SCN11A: variants seen among roughly 807,000 people sequenced by gnomAD.
SCN11A encodes the protein sodium channel protein type 11 subunit alpha.
Under a neutral mutation model 162.2 loss-of-function variants are expected in SCN11A, and 122 were observed. The ratio of observed to expected loss-of-function variants is 0.75; its 90% confidence interval spans 0.65 to 0.87. SCN11A has a LOEUF of 0.87. Among genes scored for constraint, SCN11A ranks in the 40% least tolerant of loss-of-function variants. The pLI is 0.00. For missense variants in SCN11A, 2,015 were observed against 2,181.6 expected (o/e 0.92, Z 1.52); for synonymous variants, 758 against 751.5 (o/e 1.01, Z -0.14).
intron 23 of SCN11A, among the ~76,000 whole-genome samples, chr3:38,879,656 G>C (rs904899322): frequency 1.3e-5 from 2 of 152,142 alleles, no homozygotes; most frequent in Non-Finnish European, 2.9e-5. Context: ...AGTTATTCTA[G>C]GTACATATTA....
In SCN11A at chr3:38,903,854, T is replaced by G; in HGVS notation, c.1842+11A>C. 6.5e-7 allele frequency: 1 copy of G among 1,537,206 alleles called. No individual in the cohort carries two copies. Among genetic ancestry groups the G allele is most frequent in the East Asian group, 2.3e-5 (1 of 44,242 alleles). ...AAATATGTTTTTTATTTTTAAAAAGTGTAATGTTACCAAATTCCCTATATT... is the reference window on the plus strand; with the variant it reads ...AAATATGTTTTTTATTTTTAAAAAGGGTAATGTTACCAAATTCCCTATATT... On this transcript the variant is annotated intron_variant, in intron 16 of 29. Transcript: ENST00000302328.
intron 2 of SCN11A, among the ~76,000 whole-genome samples, chr3:38,972,274 T>C (rs1182363266): frequency 6.6e-6 from 1 of 152,106 alleles, no homozygotes; most frequent in Non-Finnish European, 1.5e-5. Flanking sequence ...CAGGACCTCA[T>C]AGCCATGATC....
At chr3:38,940,514 G>A (rs530585715) in intron 7 of SCN11A, among the ~76,000 whole-genome samples, 1 of 152,300 alleles carries the variant, frequency 6.6e-6, no homozygotes, top group Admixed American at 6.5e-5. Context: ...AGAAAGTCCA[G>A]AAATAGATCT....
chr3:38,888,130 G>A (rs1039760798), intron 19 of SCN11A, among the ~76,000 whole-genome samples: 3 of 152,190 alleles, frequency 2.0e-5, no homozygotes, highest in Non-Finnish European at 4.4e-5. Context: ...TTGCACTTAA[G>A]AGAGAAAGCC....
chr3:38,945,910 C>T (rs1030391245), intron 6 of SCN11A, among the ~76,000 whole-genome samples: 1 of 152,196 alleles, frequency 6.6e-6, no homozygotes, highest in African/African-American at 2.4e-5. Context: ...AAGCACTCCT[C>T]TGTTAAATCA....
chr3:39,025,211 G>A (rs1167422064), intron 2 of SCN11A, among the ~76,000 whole-genome samples: 1 of 152,090 alleles, frequency 6.6e-6, no homozygotes. Flanking sequence ...CAGGAGGTCA[G>A]AGAGACCTTG....
At chr3:38,981,561 G>T (rs924176334) in intron 2 of SCN11A, among the ~76,000 whole-genome samples, 3 of 150,240 alleles carry the variant, frequency 2.0e-5, no homozygotes, top group Non-Finnish European at 4.4e-5. Context: ...GTGTGTGTGT[G>T]TGTGTGTATT....
rs751194773 is a variant in SCN11A at position 38,847,745 on chromosome 3, CAGG to C, written c.4328-6_4328-4del. On this transcript the variant is annotated splice_polypyrimidine_tract_variant and splice_region_variant and intron_variant, in intron 29 of 29. Coordinates refer to ENST00000302328, the MANE Select transcript of SCN11A (RefSeq NM_001349253.2). ...TTCCAAGGTAGAAATCATTGTACCT[CAGG>C]AGAAGGAGAAAAGTAAATAAGTTTC... is the stretch of plus-strand genomic sequence containing the variant. 6.4e-7 allele frequency: 1 copy of C among 1,555,534 alleles called. No homozygotes were observed. The highest frequency in any genetic ancestry group is 1.1e-5 in the South Asian group (1 of 87,170).
intron 2 of SCN11A, among the ~76,000 whole-genome samples, chr3:39,027,111 G>C (rs1559578779): frequency 6.7e-6 from 1 of 149,268 alleles, no homozygotes; most frequent in East Asian, 2.0e-4. Flanking sequence ...CACTCTACTA[G>C]AAAAAAAAAA....
intron 23 of SCN11A, among the ~76,000 whole-genome samples, chr3:38,879,438 C>T (rs1401169155): frequency 6.6e-6 from 1 of 152,128 alleles, no homozygotes; most frequent in East Asian, 1.9e-4. Flanking sequence ...TTCAGGTTTC[C>T]TTGTATACAG....
chr3:38,932,487 C>T (rs867733199), intron 7 of SCN11A, among the ~76,000 whole-genome samples: 9 of 152,274 alleles, frequency 5.9e-5, no homozygotes, highest in South Asian at 2.1e-4. Flanking sequence ...GGGTGAGAGA[C>T]GGCACCTGGA....
At chr3:38,859,678 A>G (rs188947674) in intron 28 of SCN11A, among the ~76,000 whole-genome samples, 2 of 152,272 alleles carry the variant, frequency 1.3e-5, no homozygotes, top group Admixed American at 1.3e-4. Flanking sequence ...AATCACACCT[A>G]ATGGACTCCA....
chr3:38,870,855 C>A (rs574802820), intron 25 of SCN11A, 111 bp from the exon 26 acceptor site: 3 of 811,244 alleles, frequency 3.7e-6, no homozygotes, highest in Non-Finnish European at 6.3e-6. Flanking sequence ...TAAGATGATA[C>A]CCCAACCTTC....
intron 2 of SCN11A, among the ~76,000 whole-genome samples, chr3:39,030,748 T>TGG (rs2031728209): frequency 1.3e-5 from 2 of 152,138 alleles, no homozygotes; most frequent in Non-Finnish European, 2.9e-5. Flanking sequence ...ACAAAGCACA[T>TGG]TTGTGACATG....
intron 27 of SCN11A, among the ~76,000 whole-genome samples, chr3:38,866,032 C>A (rs2065034591): frequency 6.6e-6 from 1 of 151,974 alleles, no homozygotes; most frequent in African/African-American, 2.4e-5. Flanking sequence ...TATTGTAATT[C>A]TAGGAATTTA....
chr3:39,036,597 C>G (rs1353864409), intron 1 of SCN11A, among the ~76,000 whole-genome samples: 1 of 152,138 alleles, frequency 6.6e-6, no homozygotes, highest in Non-Finnish European at 1.5e-5. Flanking sequence ...TATTTGCAAA[C>G]TATCCATCTG....
chr3:38,848,566 A>G (rs2064715704), intron 29 of SCN11A, among the ~76,000 whole-genome samples: 1 of 152,192 alleles, frequency 6.6e-6, no homozygotes, highest in Non-Finnish European at 1.5e-5. Flanking sequence ...GTGCCAAAGA[A>G]GTTTAATTCA....
chr3:38,924,247 T>C (rs1454403506), intron 9 of SCN11A, among the ~76,000 whole-genome samples: 1 of 151,938 alleles, frequency 6.6e-6, no homozygotes, highest in Non-Finnish European at 1.5e-5. Context: ...TTTTAGACCT[T>C]AGGCTGGAGT....
intron 24 of SCN11A, 34 bp downstream of exon 24, chr3:38,872,159 A>G (rs2065137766): frequency 1.6e-6 from 2 of 1,229,682 alleles, no homozygotes; most frequent in African/African-American, 3.0e-5. Flanking sequence ...TTCTCTGTTA[A>G]CTGAACTTCT....
Sources: allele counts gnomAD v4.1 joint callset (sites outside exome capture counted in the v4.1 genomes callset), GRCh38; gene constraint gnomAD v4.1.1; transcripts MANE v1.5; gene names NCBI Gene and HGNC (gene_info 2026-07-23, HGNC 2026-07-21).